The following NLGN1 variants were observed in gnomAD, a reference collection of about 807,000 sequenced individuals.
The protein encoded by NLGN1 is neuroligin 1, also known as neuroligin-1.
In NLGN1, 12 loss-of-function variants were observed where a neutral mutation model predicts 65.5. The ratio of observed to expected loss-of-function variants is 0.18; its 90% confidence interval spans 0.12 to 0.30. The LOEUF (loss-of-function observed/expected upper bound fraction) is 0.30, where lower values mean the gene tolerates loss of function less well. NLGN1 is among the 10% of genes least tolerant of loss of function. The probability of loss-of-function intolerance (pLI) is 1.00; values close to 1 mark genes in which losing one functional copy is unlikely to be tolerated. For missense variants in NLGN1, 750 were observed against 1,007.1 expected, an observed-to-expected ratio of 0.74 and a Z score of 3.46; for synonymous variants, 350 against 359.5, an observed-to-expected ratio of 0.97 and a Z score of 0.30.
At chr3:173,772,285 A>G (rs1578357551) in intron 3 of NLGN1, among the ~76,000 whole-genome samples, 1 of 152,072 alleles carries the variant, frequency 6.6e-6, no homozygotes, top group East Asian at 1.9e-4. Flanking sequence ...ACATTTTCTC[A>G]TATTCAGTCA....
At chr3:173,986,063 G>A (rs1351829692) in intron 4 of NLGN1, among the ~76,000 whole-genome samples, 2 of 152,198 alleles carry the variant, frequency 1.3e-5, no homozygotes, top group African/African-American at 2.4e-5. Context: ...ACTTCACCGT[G>A]TGACTTTATT....
chr3:173,615,270 G>T (rs73181074), intron 3 of NLGN1, among the ~76,000 whole-genome samples: 3,179 of 152,138 alleles, frequency 0.021, 63 homozygotes, highest in East Asian at 0.074. Context: ...TGTCCTGGAG[G>T]CCCTGCCTCA....
At chr3:173,568,471 G>A (rs1166367296) in intron 2 of NLGN1, among the ~76,000 whole-genome samples, 1 of 152,008 alleles carries the variant, frequency 6.6e-6, no homozygotes, top group East Asian at 1.9e-4. Context: ...TGACCTCAAA[G>A]TGAACCACCC....
At chr3:173,687,876 C>T (rs1025032558) in intron 3 of NLGN1, among the ~76,000 whole-genome samples, 3 of 152,118 alleles carry the variant, frequency 2.0e-5, no homozygotes, top group African/African-American at 7.2e-5. Flanking sequence ...GGAACACAGC[C>T]ACTGTAGGCA....
At chr3:173,753,977 C>A (rs1352071648) in intron 3 of NLGN1, among the ~76,000 whole-genome samples, 1 of 51,840 alleles carries the variant, frequency 1.9e-5, no homozygotes, top group African/African-American at 7.3e-5. Context: ...AATATAATAT[C>A]TACTCAGTTT....
intron 2 of NLGN1, among the ~76,000 whole-genome samples, chr3:173,475,286 A>C (rs546121688): frequency 1.3e-5 from 2 of 149,428 alleles, no homozygotes; most frequent in East Asian, 4.1e-4. Context: ...ATATGCTTTA[A>C]ATTTTTTTCT....
intron 4 of NLGN1, among the ~76,000 whole-genome samples, chr3:174,104,179 T>C (rs1326605346): frequency 6.6e-6 from 1 of 152,142 alleles, no homozygotes; most frequent in Non-Finnish European, 1.5e-5. Context: ...TGCAGTTATT[T>C]AGTTACTTGT....
intron 4 of NLGN1, among the ~76,000 whole-genome samples, chr3:174,041,598 C>T (rs529088862): frequency 4.6e-5 from 7 of 152,226 alleles, no homozygotes; most frequent in South Asian, 4.1e-4. Flanking sequence ...CACATCCTTA[C>T]CAAAATTTGG....
intron 1 of NLGN1, among the ~76,000 whole-genome samples, chr3:173,414,295 G>A (rs1205092463): frequency 1.3e-5 from 2 of 152,138 alleles, no homozygotes; most frequent in African/African-American, 4.8e-5. Flanking sequence ...CTTCTTGGTA[G>A]TATACAAAAA....
chr3:173,644,981 G>A (rs1474163024), intron 3 of NLGN1, among the ~76,000 whole-genome samples: 2 of 152,224 alleles, frequency 1.3e-5, no homozygotes, highest in African/African-American at 2.4e-5. Context: ...GGCTGGTGGT[G>A]GGAGGCTGTG....
intron 4 of NLGN1, among the ~76,000 whole-genome samples, chr3:174,184,597 A>G (rs1197645969): frequency 1.3e-5 from 2 of 152,138 alleles, no homozygotes; most frequent in African/African-American, 2.4e-5. Flanking sequence ...CACTATATCG[A>G]TCAGTCAGCC....
At chr3:174,055,426 A>G (rs1735845487) in intron 4 of NLGN1, among the ~76,000 whole-genome samples, 1 of 152,042 alleles carries the variant, frequency 6.6e-6, no homozygotes, top group Non-Finnish European at 1.5e-5. Context: ...AAAGAGGCCA[A>G]AAGGGCACCG....
chr3:173,498,381 A>G (rs1730396694), intron 2 of NLGN1, among the ~76,000 whole-genome samples: 1 of 151,766 alleles, frequency 6.6e-6, no homozygotes, highest in African/African-American at 2.4e-5. Context: ...AAAGGACATG[A>G]ACTCATCATT....
At chr3:174,060,769 G>C (rs1482241318) in intron 4 of NLGN1, among the ~76,000 whole-genome samples, 3 of 152,084 alleles carry the variant, frequency 2.0e-5, no homozygotes, top group Admixed American at 1.3e-4. Flanking sequence ...ATATGTAAGA[G>C]TGTTGGCTTC....
At chr3:173,804,161 A>ATT (rs72332999) in intron 3 of NLGN1, among the ~76,000 whole-genome samples, 1 of 148,210 alleles carries the variant, frequency 6.7e-6, no homozygotes, top group African/African-American at 2.5e-5. Context: ...TCAGACTCCA[A>ATT]TTTTTTTTTT....
chr3:174,022,374 C>T (rs1440252325), intron 4 of NLGN1, among the ~76,000 whole-genome samples: 1 of 152,086 alleles, frequency 6.6e-6, no homozygotes, highest in Non-Finnish European at 1.5e-5. Flanking sequence ...AGTTCCCTAT[C>T]TTGGCTCTTG....
At chr3:173,934,562 A>G (rs1043030197) in intron 4 of NLGN1, among the ~76,000 whole-genome samples, 2 of 151,980 alleles carry the variant, frequency 1.3e-5, no homozygotes, top group Admixed American at 1.3e-4. Context: ...TACACTTATC[A>G]TTGGGCTTCT....
chr3:173,976,640 C>G (rs1023600832), intron 4 of NLGN1, among the ~76,000 whole-genome samples: 1 of 151,928 alleles, frequency 6.6e-6, no homozygotes, highest in Non-Finnish European at 1.5e-5. Flanking sequence ...GAGCTTGTTT[C>G]TCTGATTGTC....
At chr3:173,566,700 T>C (rs1258684942) in intron 2 of NLGN1, among the ~76,000 whole-genome samples, 3 of 152,118 alleles carry the variant, frequency 2.0e-5, no homozygotes, top group Non-Finnish European at 4.4e-5. Flanking sequence ...TCAGCACTTA[T>C]CATGTTGACT....
Sources: allele counts gnomAD v4.1 joint callset (sites outside exome capture counted in the v4.1 genomes callset), GRCh38; gene constraint gnomAD v4.1.1; transcripts MANE v1.5; gene names NCBI Gene and HGNC (gene_info 2026-07-23, HGNC 2026-07-21).